FAAH2: variants seen among roughly 807,000 people sequenced by gnomAD.
FAAH2 encodes fatty acid amide hydrolase 2.
A neutral mutation model predicts 36.9 loss-of-function variants in FAAH2; 60 were observed. That is an observed-to-expected ratio of 1.63 (90% CI 1.32 to 2.02). FAAH2 has a LOEUF of 2.02. Ranked by LOEUF, FAAH2 falls within the 30% of genes most tolerant of loss-of-function variation. The pLI is 0.00. For missense variants in FAAH2, 689 were observed against 397.5 expected (o/e 1.73, Z -6.23); for synonymous variants, 214 against 143.8 (o/e 1.49, Z -3.49).
At chrX:57,391,565 C>T (rs928008335) in intron 7 of FAAH2, among the ~76,000 whole-genome samples, 1 of 110,671 alleles carries the variant, frequency 9.0e-6, no homozygotes, top group Non-Finnish European at 1.9e-5. Context: ...TATTGCTATT[C>T]AGTAAAGCAA....
chrX:57,236,700 G>T, the FAAH2 span, among the ~76,000 whole-genome samples: 1 of 108,376 alleles, frequency 9.2e-6, no homozygotes, highest in African/African-American at 3.3e-5. Context: ...CAGATTATTT[G>T]GGGGGGGTGT....
chrX:57,262,282 C>G, the FAAH2 span, among the ~76,000 whole-genome samples: 24 of 111,075 alleles, frequency 2.2e-4, no homozygotes, highest in African/African-American at 7.2e-4. Flanking sequence ...AAACTGAAAA[C>G]TCAGATATGT....
At chrX:57,160,002 G>T in the FAAH2 span, among the ~76,000 whole-genome samples, 2 of 111,822 alleles carry the variant, frequency 1.8e-5, no homozygotes, top group African/African-American at 6.5e-5. Context: ...ATTATTTTGA[G>T]ATACGTCCCA....
At position 57,394,389 on chromosome X, in the gene FAAH2, C is replaced by T; in HGVS notation, c.996+13360C>T. ...TCTAGTGCTGACAGCAGAACTTTGG[C>T]CTTTGTTTCACCATATAATTCTACC... On this transcript the variant is annotated intron_variant, in intron 7 of 10. Transcript: ENST00000374900. 6 of 1,195,832 alleles carry T rather than the reference C, an allele frequency of 5.0e-6. No homozygotes were observed. In the South Asian group the frequency reaches 1.1e-4, roughly 21 times the overall value.
chrX:57,471,049 T>G (rs981171047), intron 10 of FAAH2, among the ~76,000 whole-genome samples: 4 of 111,877 alleles, frequency 3.6e-5, no homozygotes, highest in Admixed American at 1.9e-4. Flanking sequence ...TCAACAGCCC[T>G]TCATGGTAAA....
At chrX:57,416,667 C>T (rs898510478) in intron 7 of FAAH2, among the ~76,000 whole-genome samples, 2 of 111,522 alleles carry the variant, frequency 1.8e-5, no homozygotes, top group Admixed American at 9.6e-5. Flanking sequence ...ACATTTTTTC[C>T]TTCATTTCAA....
chrX:57,333,016 G>A (rs766783158), intron 4 of FAAH2, among the ~76,000 whole-genome samples: 2 of 111,473 alleles, frequency 1.8e-5, no homozygotes, highest in East Asian at 5.7e-4. Context: ...CAGAGCAGGG[G>A]CACATGCTAA....
intron 7 of FAAH2, among the ~76,000 whole-genome samples, chrX:57,421,571 A>G (rs893717083): frequency 1.8e-5 from 2 of 111,605 alleles, no homozygotes; most frequent in African/African-American, 6.5e-5. Flanking sequence ...AATAGAATAA[A>G]TACCTCTATC....
At chrX:57,407,185 C>A (rs1267200368) in intron 7 of FAAH2, among the ~76,000 whole-genome samples, 1 of 111,939 alleles carries the variant, frequency 8.9e-6, no homozygotes, top group Non-Finnish European at 1.9e-5. Flanking sequence ...GAAGTCAGAG[C>A]AGATTCTGGG....
At chrX:57,287,117 C>A in intron 1 of FAAH2, 100 bp downstream of exon 1, 1 of 873,484 alleles carries the variant, frequency 1.1e-6, no homozygotes, top group Non-Finnish European at 1.5e-6. Context: ...CCATTCTCTA[C>A]TAGGGCGACT....
intron 7 of FAAH2, among the ~76,000 whole-genome samples, chrX:57,426,207 T>A (rs1035994643): frequency 1.8e-5 from 2 of 111,819 alleles, no homozygotes; most frequent in African/African-American, 6.5e-5. Context: ...GATAAATGGA[T>A]CAATTCAACA....
chrX:57,438,258 TA>T (rs2056459565), intron 8 of FAAH2, among the ~76,000 whole-genome samples: 6 of 39 alleles, frequency 0.15, no homozygotes, highest in East Asian at 0.56. Flanking sequence ...TATAAGTATA[TA>T]GATATAGATA....
chrX:57,166,560 C>G, the FAAH2 span, among the ~76,000 whole-genome samples: 1 of 112,112 alleles, frequency 8.9e-6, no homozygotes, highest in African/African-American at 3.2e-5. Context: ...GGGAGCTTTC[C>G]CTGTTTCAAT....
intron 10 of FAAH2, among the ~76,000 whole-genome samples, chrX:57,469,224 A>G (rs2147242033): frequency 8.9e-6 from 1 of 112,092 alleles, no homozygotes; most frequent in Admixed American, 9.5e-5. Context: ...CATCATAATG[A>G]AAGGATCAAA....
the FAAH2 span, among the ~76,000 whole-genome samples, chrX:57,258,879 TG>T: frequency 1.9e-5 from 2 of 107,315 alleles, no homozygotes; most frequent in Admixed American, 1.0e-4. Flanking sequence ...TGGCTAATTT[TG>T]TTTTTTTTTT....
intron 5 of FAAH2, among the ~76,000 whole-genome samples, chrX:57,377,630 C>A (rs2054719435): frequency 8.9e-6 from 1 of 112,054 alleles, no homozygotes; most frequent in South Asian, 3.7e-4. Flanking sequence ...GCTAAATGGG[C>A]TCATTTTGTT....
chrX:57,303,932 C>T (rs760110328), intron 2 of FAAH2, among the ~76,000 whole-genome samples: 9 of 111,824 alleles, frequency 8.0e-5, no homozygotes, highest in Non-Finnish European at 1.1e-4. Flanking sequence ...GCTGGCTGGG[C>T]GCGGTGGCTC....
the FAAH2 span, among the ~76,000 whole-genome samples, chrX:57,156,052 A>G: frequency 8.9e-6 from 1 of 111,775 alleles, no homozygotes; most frequent in Admixed American, 9.5e-5. Context: ...TTGCAGGAGC[A>G]ATTCACTTCC....
At chrX:57,452,388 A>G (rs1262643637) in intron 10 of FAAH2, 3 of 718,421 alleles carry the variant, frequency 4.2e-6, no homozygotes, top group East Asian at 3.1e-4. Context: ...TGATCACAGC[A>G]TTCTTTTTCT....
Sources: allele counts gnomAD v4.1 joint callset (sites outside exome capture counted in the v4.1 genomes callset), GRCh38; gene constraint gnomAD v4.1.1; transcripts MANE v1.5; gene names NCBI Gene and HGNC (gene_info 2026-07-23, HGNC 2026-07-21).